GRAMD1C: variants seen among roughly 807,000 people sequenced by gnomAD.
GRAMD1C encodes GRAM domain containing 1C, also known as protein Aster-C.
A neutral mutation model predicts 97.8 loss-of-function variants in GRAMD1C; 89 were observed. The observed-to-expected ratio is 0.91, with a 90% CI of 0.77 to 1.09. The LOEUF (loss-of-function observed/expected upper bound fraction) is 1.09. Ranked by LOEUF, GRAMD1C falls within the 50% of genes least tolerant of loss-of-function variation. The probability of loss-of-function intolerance (pLI) is 0.00; values close to 1 mark genes in which losing one functional copy is unlikely to be tolerated. For synonymous variants in GRAMD1C, 256 were observed against 267.0 expected (o/e 0.96, Z 0.40); for missense variants, 740 against 766.4 (o/e 0.97, Z 0.41).
intron 1 of GRAMD1C, among the ~76,000 whole-genome samples, chr3:113,841,406 C>G (rs1035011008): frequency 6.6e-6 from 1 of 151,358 alleles, no homozygotes; most frequent in African/African-American, 2.4e-5. Context: ...CTGCCTCAGC[C>G]TCCCAAGTAG....
intron 2 of GRAMD1C, among the ~76,000 whole-genome samples, chr3:113,854,764 A>G (rs1178924863): frequency 2.0e-5 from 3 of 152,216 alleles, no homozygotes; most frequent in South Asian, 2.1e-4. Flanking sequence ...GGGGAAAAAC[A>G]TAACTATTAA....
At chr3:113,860,838 C>T (rs1284569702) in intron 2 of GRAMD1C, among the ~76,000 whole-genome samples, 2 of 151,768 alleles carry the variant, frequency 1.3e-5, no homozygotes, top group Non-Finnish European at 2.9e-5. Flanking sequence ...TGGTGGTGGG[C>T]ACCTGTAATC....
intron 2 of GRAMD1C, among the ~76,000 whole-genome samples, chr3:113,856,895 T>A (rs1240246560): frequency 1.3e-5 from 2 of 151,254 alleles, no homozygotes; most frequent in Admixed American, 6.6e-5. Flanking sequence ...ACTGGAGTGC[T>A]GTGGTACAAT....
rs1937575058 is a variant in GRAMD1C, at chr3:113,936,242, AAAGATT to A, written c.1457-23_1457-18del. The A allele has an allele frequency of 7.1e-7, 1 of 1,400,504 alleles. No homozygotes were observed. Among genetic ancestry groups the A allele is most frequent in the Non-Finnish European group, 1.0e-6 (1 of 1,002,420 alleles). 86.8% of individuals were successfully genotyped at this position (1,400,504 alleles called of 1,614,324 possible). ...AGTTGAGGAGCTTTCCTCACTATAT[AAAGATT>A]GTTTTTTTTTTTCTTAGAATCAGAT... On this transcript the variant is annotated intron_variant, in intron 13 of 17. Transcript: ENST00000358160.
upstream of GRAMD1C, among the ~76,000 whole-genome samples, chr3:113,834,177 C>CATTATT (rs1194398228): frequency 1.2e-3 from 180 of 151,876 alleles, no homozygotes; most frequent in African/African-American, 4.1e-3. Context: ...TTTACACCTC[C>CATTATT]ATTATTATTA....
intron 10 of GRAMD1C, among the ~76,000 whole-genome samples, chr3:113,918,046 A>G (rs1936898170): frequency 6.6e-6 from 1 of 152,054 alleles, no homozygotes; most frequent in Admixed American, 6.5e-5. Flanking sequence ...TGTTATGAAT[A>G]CTAGGAACCA....
At chr3:113,900,662 G>A (rs981713522) in intron 6 of GRAMD1C, among the ~76,000 whole-genome samples, 6 of 150,854 alleles carry the variant, frequency 4.0e-5, no homozygotes, top group South Asian at 4.2e-4. Flanking sequence ...TCTTGACCTC[G>A]TGATCTGCCT....
intron 2 of GRAMD1C, among the ~76,000 whole-genome samples, chr3:113,866,300 A>T (rs541727792): frequency 6.6e-6 from 1 of 152,244 alleles, no homozygotes; most frequent in Non-Finnish European, 1.5e-5. Context: ...CCCTTTTATT[A>T]TTATGAAATC....
At chr3:113,890,213 C>T (rs1241007752) in intron 6 of GRAMD1C, among the ~76,000 whole-genome samples, 1 of 152,144 alleles carries the variant, frequency 6.6e-6, no homozygotes, top group Non-Finnish European at 1.5e-5. Context: ...GGTGAGGGGG[C>T]TTGCCAAGCC....
chr3:113,918,327 C>T (rs558704728), intron 10 of GRAMD1C, among the ~76,000 whole-genome samples: 1 of 152,276 alleles, frequency 6.6e-6, no homozygotes, highest in Admixed American at 6.5e-5. Context: ...GAACTGGATA[C>T]ATTATTTCCC....
In GRAMD1C at chr3:113,940,321, A is replaced by G; in HGVS notation, c.1884A>G (p.Arg628=). 6.3e-7 allele frequency: 1 copy of G among 1,594,838 alleles called. No individual in the cohort carries two copies. Among genetic ancestry groups the G allele is most frequent in the Non-Finnish European group, 8.6e-7 (1 of 1,162,428 alleles). The part of the protein sequence containing the change: ...DQAHRLKGVL[R]DSIVMLEQLK... ...CCCATCGTTTAAAGGGAGTGCTCCGAGACTCCATAGTGATGCTTGAACAGG... is the reference window on the plus strand; with the variant it reads ...CCCATCGTTTAAAGGGAGTGCTCCGGGACTCCATAGTGATGCTTGAACAGG... The change falls in exon 17 of 18, where the codon CGA becomes CGG. Residue 628 remains arginine, a synonymous_variant. Coordinates refer to ENST00000358160, the MANE Select transcript of GRAMD1C (RefSeq NM_017577.5).
chr3:113,896,570 C>T (rs1026734188), intron 6 of GRAMD1C, among the ~76,000 whole-genome samples: 3 of 152,172 alleles, frequency 2.0e-5, no homozygotes, highest in Non-Finnish European at 4.4e-5. Flanking sequence ...TGTTCACCAT[C>T]GTAAATATAT....
At chr3:113,839,697 A>G (rs567530068) in intron 1 of GRAMD1C, among the ~76,000 whole-genome samples, 2 of 152,252 alleles carry the variant, frequency 1.3e-5, no homozygotes, top group Non-Finnish European at 2.9e-5. Flanking sequence ...TGATTCAGTT[A>G]TGTCCCTGGC....
chr3:113,873,166 A>G (rs915506448), intron 3 of GRAMD1C, among the ~76,000 whole-genome samples: 1 of 151,024 alleles, frequency 6.6e-6, no homozygotes, highest in Non-Finnish European at 1.5e-5. Context: ...AGACTGAGAC[A>G]TGAGAATAGC....
intron 13 of GRAMD1C, among the ~76,000 whole-genome samples, chr3:113,934,889 G>A (rs1227207458): frequency 1.3e-5 from 2 of 151,924 alleles, no homozygotes; most frequent in Non-Finnish European, 2.9e-5. Flanking sequence ...GACTACAGGC[G>A]TGTGCCACCA....
At chr3:113,919,250 C>T (rs958235825) in intron 10 of GRAMD1C, 16 of 391,602 alleles carry the variant, frequency 4.1e-5, no homozygotes. Flanking sequence ...TTTTTTGGTC[C>T]AGTTTGTGAG....
chr3:113,837,849 A>C (rs1173861493), upstream of GRAMD1C, among the ~76,000 whole-genome samples: 1 of 152,232 alleles, frequency 6.6e-6, no homozygotes, highest in Non-Finnish European at 1.5e-5. Flanking sequence ...TGGAGGTTGC[A>C]GTGAGCAGAG....
chr3:113,873,152 C>T (rs1934899611), intron 3 of GRAMD1C, among the ~76,000 whole-genome samples: 1 of 150,430 alleles, frequency 6.6e-6, no homozygotes, highest in African/African-American at 2.5e-5. Context: ...CCCAGCTACT[C>T]GGTAGACTGA....
At chr3:113,911,588 C>T (rs917916406) in intron 9 of GRAMD1C, among the ~76,000 whole-genome samples, 14 of 150,976 alleles carry the variant, frequency 9.3e-5, no homozygotes, top group Non-Finnish European at 1.3e-4. Context: ...TATTTCTTTC[C>T]TTCCTTCCTT....
Sources: gnomAD v4.1 joint callset for allele counts (sites outside exome capture counted in the v4.1 genomes callset) on GRCh38, gnomAD v4.1.1 for gene constraint, MANE v1.5 for transcripts, NCBI Gene and HGNC (gene_info 2026-07-23, HGNC 2026-07-21) for gene names.